The following RBFOX1 variants were observed in gnomAD, a reference collection of about 807,000 sequenced individuals.
The protein encoded by RBFOX1 is RNA binding protein fox-1 homolog 1.
Under a neutral mutation model 57.7 loss-of-function variants are expected in RBFOX1, and 8 were observed. That is an observed-to-expected ratio of 0.14 (90% CI 0.08 to 0.25). RBFOX1 has a LOEUF of 0.25. Ranked by LOEUF, RBFOX1 falls within the 10% of genes least tolerant of loss-of-function variation. The pLI, the probability that RBFOX1 is intolerant of heterozygous loss-of-function variation, is 1.00. For missense variants in RBFOX1, 611 were observed against 548.5 expected (o/e 1.11, Z -1.14); for synonymous variants, 326 against 222.4 (o/e 1.47, Z -4.15).
At chr16:7,306,603 G>GTC (rs1317051308) in intron 4 of RBFOX1, among the ~76,000 whole-genome samples, 1 of 151,682 alleles carries the variant, frequency 6.6e-6, no homozygotes, top group Non-Finnish European at 1.5e-5. Context: ...GTGTGTGTGT[G>GTC]TATTTTCTCT....
chr16:5,933,746 A>T (rs1267096183), intron 4 of RBFOX1, among the ~76,000 whole-genome samples: 1 of 151,436 alleles, frequency 6.6e-6, no homozygotes, highest in Admixed American at 6.6e-5. Context: ...GTTTTTAATA[A>T]TGAAGTTTGG....
chr16:7,166,918 T>C (rs2079623989), intron 4 of RBFOX1, among the ~76,000 whole-genome samples: 1 of 150,474 alleles, frequency 6.6e-6, no homozygotes. Context: ...TTTGAGTTTT[T>C]CTTTCTTTAC....
Position 7,604,677 on chromosome 16 carries a change from T to G in RBFOX1, c.623-2608T>G, listed in dbSNP as rs1164900520. Among the ~76,000 whole-genome samples, 6 of 152,168 alleles carry G rather than the reference T, an allele frequency of 3.9e-5. No individual in the cohort carries two copies. In the South Asian group the frequency reaches 1.2e-3, roughly 31 times the overall value. On this transcript the variant is annotated intron_variant, in intron 9 of 15. Coordinates refer to ENST00000550418, the MANE Select transcript of RBFOX1 (RefSeq NM_018723.4). ...AGGCAGATGAGATAAACATGATTTC[T>G]AGGTAGCCTCAAATGCCTCTGAGAG...
At chr16:6,373,126 T>A (rs1423772989) in intron 2 of RBFOX1, among the ~76,000 whole-genome samples, 26 of 152,036 alleles carry the variant, frequency 1.7e-4, no homozygotes, top group Non-Finnish European at 4.4e-5. Flanking sequence ...GGTGGAAGTA[T>A]AACTGTATGG....
Position 6,124,863 on chromosome 16 carries a change from A to T in RBFOX1, c.-127+104871A>T, listed in dbSNP as rs529130468. 2.6e-5 allele frequency among the ~76,000 whole-genome samples: 4 copies of T among 152,194 alleles called. No individual in the cohort carries two copies. In the East Asian group the frequency reaches 5.8e-4, roughly 22 times the overall value. ...TTTTTAATACATCCAATTATTTTTT[A>T]AAAATAGCCCAAACAAGCAGATTTT... On this transcript the variant is annotated intron_variant, in intron 1 of 15. Transcript: ENST00000550418.
At chr16:6,711,483 C>G (rs116079954) in intron 3 of RBFOX1, among the ~76,000 whole-genome samples, 7,633 of 152,158 alleles carry the variant, frequency 0.05, 590 homozygotes, top group African/African-American at 0.16. Flanking sequence ...TAGGAGGTGA[C>G]TGGGTCATGC....
chr16:6,069,885 G>T (rs938567032), intron 1 of RBFOX1, among the ~76,000 whole-genome samples: 2 of 152,030 alleles, frequency 1.3e-5, no homozygotes, highest in African/African-American at 4.8e-5. Context: ...TATTCGGGAG[G>T]CTGAGGCAGG....
chr16:7,273,251 T>TCCC, intron 4 of RBFOX1, among the ~76,000 whole-genome samples: 4 of 139,650 alleles, frequency 2.9e-5, no homozygotes, highest in African/African-American at 5.4e-5. Context: ...CCTTCCTTCC[T>TCCC]TCCTTCCTTC....
At chr16:7,304,792 T>A (rs1426593648) in intron 4 of RBFOX1, among the ~76,000 whole-genome samples, 2 of 152,158 alleles carry the variant, frequency 1.3e-5, no homozygotes, top group African/African-American at 2.4e-5. Flanking sequence ...TTCGTGGTGA[T>A]CTGAGTCTAA....
chr16:7,017,968 C>G (rs544184751), intron 3 of RBFOX1, among the ~76,000 whole-genome samples: 2 of 152,180 alleles, frequency 1.3e-5, no homozygotes, highest in South Asian at 4.1e-4. Context: ...TGCCCCCTTT[C>G]TCTACGGGCA....
intron 4 of RBFOX1, among the ~76,000 whole-genome samples, chr16:7,266,717 T>C (rs575516698): frequency 6.6e-6 from 1 of 151,532 alleles, no homozygotes; most frequent in African/African-American, 2.4e-5. Flanking sequence ...TATTTGACAA[T>C]AAAAAAGTAA....
chr16:5,421,696 T>G (rs570328632), intron 1 of RBFOX1, among the ~76,000 whole-genome samples: 1 of 152,138 alleles, frequency 6.6e-6, no homozygotes, highest in Non-Finnish European at 1.5e-5. Context: ...GACATTTGAG[T>G]GGCAAAACAG....
At chr16:7,516,789 C>T (rs1278314166) in intron 4 of RBFOX1, among the ~76,000 whole-genome samples, 2 of 152,056 alleles carry the variant, frequency 1.3e-5, no homozygotes, top group African/African-American at 4.8e-5. Flanking sequence ...ATTAAGGTCC[C>T]TTCTAAACAA....
At chr16:6,543,255 C>T (rs1447410597) in intron 2 of RBFOX1, among the ~76,000 whole-genome samples, 1 of 152,076 alleles carries the variant, frequency 6.6e-6, no homozygotes, top group South Asian at 2.1e-4. Context: ...TCCATGCCAC[C>T]GTTAGCTGTG....
intron 5 of RBFOX1, among the ~76,000 whole-genome samples, chr16:7,543,951 C>A (rs540983012): frequency 6.6e-6 from 1 of 152,280 alleles, no homozygotes; most frequent in East Asian, 1.9e-4. Context: ...GATCTCCTAA[C>A]TTCATGACCC....
At chr16:6,650,044 C>G (rs745812666) in intron 2 of RBFOX1, among the ~76,000 whole-genome samples, 4 of 152,262 alleles carry the variant, frequency 2.6e-5, no homozygotes, top group Admixed American at 2.0e-4. Context: ...GTGCAGAGAT[C>G]TCTTTGACAT....
At chr16:6,384,060 C>CTTTTTTTT (rs5815305) in intron 2 of RBFOX1, among the ~76,000 whole-genome samples, 3 of 126,640 alleles carry the variant, frequency 2.4e-5, no homozygotes, top group African/African-American at 5.9e-5. Flanking sequence ...ATTGGTTTTG[C>CTTTTTTTT]TTTTTTTTTT....
chr16:6,910,081 G>C (rs1296945626), intron 3 of RBFOX1, among the ~76,000 whole-genome samples: 1 of 152,036 alleles, frequency 6.6e-6, no homozygotes, highest in South Asian at 2.1e-4. Context: ...TATTGTGCCT[G>C]TACGTCCCAC....
At chr16:6,806,584 T>A (rs11866177) in intron 3 of RBFOX1, among the ~76,000 whole-genome samples, 1,887 of 152,006 alleles carry the variant, frequency 0.012, 45 homozygotes, top group African/African-American at 0.043. Context: ...CCTGAACTAG[T>A]TCCCAGCAAA....
Sources: allele counts gnomAD v4.1 joint callset (sites outside exome capture counted in the v4.1 genomes callset), GRCh38; gene constraint gnomAD v4.1.1; transcripts MANE v1.5; gene names NCBI Gene and HGNC (gene_info 2026-07-23, HGNC 2026-07-21).